ELMO1: variants seen among roughly 807,000 people sequenced by gnomAD.
ELMO1 encodes engulfment and cell motility protein 1.
Under a neutral mutation model 98.9 loss-of-function variants are expected in ELMO1, and 26 were observed. The ratio of observed to expected loss-of-function variants is 0.26; its 90% confidence interval spans 0.19 to 0.36. The LOEUF is 0.36. Ranked by LOEUF, ELMO1 falls within the 10% of genes least tolerant of loss-of-function variation. ELMO1 has a pLI of 1.00. For missense variants in ELMO1, 627 were observed against 935.2 expected (o/e 0.67, Z 4.30); for synonymous variants, 346 against 346.0 (o/e 1.00, Z 0.00).
chr7:37,340,964 A>G (rs1800681939), intron 2 of ELMO1, among the ~76,000 whole-genome samples: 1 of 152,338 alleles, frequency 6.6e-6, no homozygotes, highest in African/African-American at 2.4e-5. Flanking sequence ...GTTATTTCGA[A>G]TAAGTGCCTG....
At chr7:37,038,877 C>T (rs1364062586) in intron 15 of ELMO1, among the ~76,000 whole-genome samples, 2 of 152,162 alleles carry the variant, frequency 1.3e-5, no homozygotes, top group Non-Finnish European at 2.9e-5. Context: ...GGCAAGCTCC[C>T]TGGTGTCTCT....
At chr7:37,031,854 C>A (rs1431604412) in intron 15 of ELMO1, among the ~76,000 whole-genome samples, 1 of 152,162 alleles carries the variant, frequency 6.6e-6, no homozygotes, top group Non-Finnish European at 1.5e-5. Flanking sequence ...ATATTATATT[C>A]TTGATAGTGA....
chr7:37,292,237 C>CA lies in ELMO1; in HGVS notation c.193-20356_193-20355insT, dbSNP rs1320422727. ...GGTGCCGGGATTGCAGACGGAGTCTCGTTCACTCAGTGCTCAATGGTGCCC... is the reference window on the plus strand; with the variant it reads ...GGTGCCGGGATTGCAGACGGAGTCTCAGTTCACTCAGTGCTCAATGGTGCCC... On this transcript the variant is annotated intron_variant, in intron 4 of 21. Coordinates refer to ENST00000310758, the MANE Select transcript of ELMO1 (RefSeq NM_014800.11). Among the ~76,000 whole-genome samples the CA allele has an allele frequency of 2.0e-3, 202 of 100,148 alleles. 3 individuals carry two copies. The highest frequency in any genetic ancestry group is 9.3e-3 in the Middle Eastern group (2 of 214). 65.7% of individuals were successfully genotyped at this position (100,148 alleles called of 152,430 possible). A position where few individuals can be genotyped will look rare whatever the true frequency, so the allele number is the denominator to read the frequency against.
intron 15 of ELMO1, among the ~76,000 whole-genome samples, chr7:37,065,661 T>C (rs915093786): frequency 6.6e-6 from 1 of 152,134 alleles, no homozygotes; most frequent in African/African-American, 2.4e-5. Flanking sequence ...CCAACCCACA[T>C]GGAAAAAAGT....
chr7:37,294,859 G>C (rs1458715621), intron 4 of ELMO1, among the ~76,000 whole-genome samples: 1 of 151,954 alleles, frequency 6.6e-6, no homozygotes, highest in African/African-American at 2.4e-5. Flanking sequence ...AATTAGCTGG[G>C]TGTGGTGGCA....
intron 18 of ELMO1, 75 bp downstream of exon 18, chr7:36,887,485 C>A: frequency 1.4e-6 from 2 of 1,392,466 alleles, no homozygotes; most frequent in South Asian, 1.2e-5. Context: ...AAACCAACAC[C>A]ATGCCCTTGT....
intron 16 of ELMO1, among the ~76,000 whole-genome samples, chr7:36,975,026 GA>G (rs1433803856): frequency 5.3e-5 from 8 of 152,312 alleles, no homozygotes; most frequent in African/African-American, 1.9e-4. Flanking sequence ...GCCACCTTAA[GA>G]GATGTGACAC....
At chr7:37,316,433 T>G (rs1474317782) in intron 2 of ELMO1, among the ~76,000 whole-genome samples, 1 of 152,204 alleles carries the variant, frequency 6.6e-6, no homozygotes, top group Non-Finnish European at 1.5e-5. Context: ...ACGAAATGGT[T>G]CTTACAAAGT....
intron 4 of ELMO1, among the ~76,000 whole-genome samples, chr7:37,294,708 A>G (rs1432638957): frequency 1.3e-5 from 2 of 152,210 alleles, no homozygotes; most frequent in African/African-American, 4.8e-5. Context: ...GATATCATAA[A>G]TTCATCTCAG....
At chr7:37,070,637 G>C (rs1288396690) in intron 15 of ELMO1, among the ~76,000 whole-genome samples, 1 of 152,138 alleles carries the variant, frequency 6.6e-6, no homozygotes, top group Non-Finnish European at 1.5e-5. Context: ...CTTGAGCAAG[G>C]CTTTCTTGTT....
At chr7:37,393,477 A>T (rs1167338195) in intron 1 of ELMO1, among the ~76,000 whole-genome samples, 2 of 152,222 alleles carry the variant, frequency 1.3e-5, no homozygotes, top group African/African-American at 4.8e-5. Context: ...ATTTAAAAAA[A>T]ATCCAATTCA....
chr7:37,343,751 AG>A (rs1256463831), intron 1 of ELMO1, among the ~76,000 whole-genome samples: 3 of 152,148 alleles, frequency 2.0e-5, no homozygotes, highest in Non-Finnish European at 2.9e-5. Context: ...CTGCGATTAC[AG>A]GCGTGAGCCA....
intron 15 of ELMO1, among the ~76,000 whole-genome samples, chr7:37,034,051 A>C (rs553923994): frequency 6.6e-6 from 1 of 152,346 alleles, no homozygotes; most frequent in East Asian, 1.9e-4. Flanking sequence ...CTAATTCCTC[A>C]CAACTTCACA....
intron 1 of ELMO1, among the ~76,000 whole-genome samples, chr7:37,403,467 T>G (rs1803619739): frequency 1.3e-5 from 2 of 152,188 alleles, no homozygotes; most frequent in African/African-American, 4.8e-5. Flanking sequence ...TGAAGCATCG[T>G]GGATTTTTAA....
intron 19 of ELMO1, among the ~76,000 whole-genome samples, chr7:36,875,855 T>C (rs778640700): frequency 2.2e-4 from 34 of 152,184 alleles, no homozygotes; most frequent in African/African-American, 2.2e-4. Context: ...CCAATTAGCA[T>C]GGGGGTGCTG....
chr7:37,386,721 C>G (rs769253795), intron 1 of ELMO1, among the ~76,000 whole-genome samples: 6 of 152,064 alleles, frequency 3.9e-5, no homozygotes, highest in Admixed American at 2.0e-4. Context: ...ATCCAGGGTC[C>G]AAACTCATGT....
At chr7:37,128,549 G>A (rs1033338023) in intron 14 of ELMO1, among the ~76,000 whole-genome samples, 1 of 152,056 alleles carries the variant, frequency 6.6e-6, no homozygotes, top group East Asian at 1.9e-4. Context: ...CAAGTTTTGG[G>A]GTAATTCAGT....
chr7:37,274,391 A>G (rs1474549073), intron 4 of ELMO1, among the ~76,000 whole-genome samples: 1 of 152,210 alleles, frequency 6.6e-6, no homozygotes, highest in Admixed American at 6.5e-5. Flanking sequence ...AGAGTGAGCC[A>G]GCAGACGTGC....
intron 5 of ELMO1, among the ~76,000 whole-genome samples, chr7:37,267,027 AT>A (rs1371693089): frequency 0.032 from 2,933 of 92,580 alleles, 463 homozygotes; most frequent in African/African-American, 0.13. Context: ...AAAAAAAAAA[AT>A]ATGTATATAT....
Sources: allele counts gnomAD v4.1 joint callset (sites outside exome capture counted in the v4.1 genomes callset), GRCh38; gene constraint gnomAD v4.1.1; transcripts MANE v1.5; gene names NCBI Gene and HGNC (gene_info 2026-07-23, HGNC 2026-07-21).